The following TENM3 variants were observed in gnomAD, a reference collection of about 807,000 sequenced individuals.
TENM3 encodes teneurin-3.
TENM3 carries 63 observed loss-of-function variants against 255.1 expected under a neutral mutation model. That is an observed-to-expected ratio of 0.25 (90% confidence interval 0.20 to 0.30). TENM3 has a LOEUF of 0.30. Among genes scored for constraint, TENM3 ranks in the 10% least tolerant of loss-of-function variants. The probability of loss-of-function intolerance (pLI) is 1.00; values close to 1 mark genes in which losing one functional copy is unlikely to be tolerated. For missense variants in TENM3, 2,929 were observed against 3,461.1 expected (o/e 0.85, Z 3.86); for synonymous variants, 1,306 against 1,322.3 (o/e 0.99, Z 0.27).
chr4:182,355,325 C>G (rs1448391672), intron 3 of TENM3, among the ~76,000 whole-genome samples: 2 of 152,164 alleles, frequency 1.3e-5, no homozygotes, highest in East Asian at 1.9e-4. Flanking sequence ...GCAAAGTCTT[C>G]ATGGTGATGC....
chr4:181,554,008 C>T, the TENM3 span, among the ~76,000 whole-genome samples: 1 of 152,146 alleles, frequency 6.6e-6, no homozygotes, highest in Non-Finnish European at 1.5e-5. Context: ...GACTCTGCTC[C>T]CTTTTTTCCC....
the TENM3 span, among the ~76,000 whole-genome samples, chr4:182,017,415 C>T: frequency 2.0e-5 from 3 of 152,192 alleles, no homozygotes; most frequent in South Asian, 2.1e-4. Context: ...TTGAGTTTTA[C>T]GTAGTCATTA....
the TENM3 span, among the ~76,000 whole-genome samples, chr4:181,590,997 G>A: frequency 6.6e-6 from 1 of 151,964 alleles, no homozygotes; most frequent in Non-Finnish European, 1.5e-5. Context: ...ATTATTCTTT[G>A]TTTACATCAA....
At chr4:181,979,869 G>GTTTT in the TENM3 span, among the ~76,000 whole-genome samples, 5 of 152,132 alleles carry the variant, frequency 3.3e-5, no homozygotes, top group Admixed American at 3.3e-4. Context: ...TTGTTTGTTT[G>GTTTT]TTCGTTTTAG....
chr4:181,849,949 T>TCTCTCTCTCACACACACACACA, the TENM3 span, among the ~76,000 whole-genome samples: 545 of 65,926 alleles, frequency 8.3e-3, 15 homozygotes, highest in Non-Finnish European at 0.013. Flanking sequence ...TCTCTCTCTC[T>TCTCTCTCTCACACACACACACA]CACACACACA....
chr4:182,046,717 G>A, the TENM3 span, among the ~76,000 whole-genome samples: 8 of 152,030 alleles, frequency 5.3e-5, no homozygotes, highest in Non-Finnish European at 1.2e-4. Flanking sequence ...GTGATAAAAT[G>A]AGGCCCCATG....
At chr4:182,752,095 G>A (rs1579345347) in intron 20 of TENM3, 63 bp downstream of exon 20, 21 of 938,656 alleles carry the variant, frequency 2.2e-5, no homozygotes, top group Non-Finnish European at 3.2e-5. Context: ...AAAAGGGGTT[G>A]AAAATCCATT....
At chr4:181,508,588 C>G in the TENM3 span, among the ~76,000 whole-genome samples, 2 of 152,166 alleles carry the variant, frequency 1.3e-5, no homozygotes, top group Non-Finnish European at 2.9e-5. Flanking sequence ...AGCTTTAATA[C>G]GTACATACAC....
the TENM3 span, among the ~76,000 whole-genome samples, chr4:181,602,104 C>G: frequency 6.6e-6 from 1 of 152,044 alleles, no homozygotes; most frequent in Non-Finnish European, 1.5e-5. Context: ...AATTTAACCC[C>G]TATAATAACC....
chr4:181,523,882 CAAGAGCTCAATCATCTCTG>C, the TENM3 span, among the ~76,000 whole-genome samples: 10 of 152,310 alleles, frequency 6.6e-5, no homozygotes, highest in South Asian at 1.9e-3. Flanking sequence ...CAGTAGCATA[CAAGAGCTCAATCATCTCTG>C]AAGAGCTTTC....
At chr4:181,888,528 A>G in the TENM3 span, among the ~76,000 whole-genome samples, 8 of 81,164 alleles carry the variant, frequency 9.9e-5, 1 homozygote, top group African/African-American at 4.4e-4. Context: ...ATATATATAC[A>G]TATATGTGTA....
the TENM3 span, among the ~76,000 whole-genome samples, chr4:182,100,941 G>A: frequency 7.1e-6 from 1 of 141,364 alleles, no homozygotes; most frequent in African/African-American, 2.6e-5. Context: ...CTACTGGGGA[G>A]GATGAGGCAG....
chr4:182,410,054 T>C (rs1221603977), intron 3 of TENM3, among the ~76,000 whole-genome samples: 1 of 152,198 alleles, frequency 6.6e-6, no homozygotes, highest in Non-Finnish European at 1.5e-5. Flanking sequence ...CTTGAACTCC[T>C]GGACTCAAGC....
intron 12 of TENM3, among the ~76,000 whole-genome samples, chr4:182,705,160 A>G (rs748245086): frequency 6.6e-6 from 1 of 152,196 alleles, no homozygotes; most frequent in Non-Finnish European, 1.5e-5. Context: ...AGTGGATTTA[A>G]TATGTACGTA....
chr4:182,714,258 G>A (rs763543546), intron 13 of TENM3, 25 bp downstream of exon 13: 9 of 1,530,146 alleles, frequency 5.9e-6, no homozygotes, highest in East Asian at 2.6e-5. Context: ...GCATGAACAC[G>A]AGTCTGTGCC....
At chr4:182,053,405 C>T in the TENM3 span, among the ~76,000 whole-genome samples, 93 of 152,312 alleles carry the variant, frequency 6.1e-4, no homozygotes, top group African/African-American at 2.1e-3. Flanking sequence ...ATTAAAATGG[C>T]TTGCCCAGTG....
the TENM3 span, among the ~76,000 whole-genome samples, chr4:182,112,021 G>A: frequency 6.6e-6 from 1 of 152,154 alleles, no homozygotes; most frequent in East Asian, 1.9e-4. Context: ...TGGAAAGGGT[G>A]GCTCACACTT....
At chr4:182,376,116 C>G (rs902736760) in intron 3 of TENM3, among the ~76,000 whole-genome samples, 1 of 152,086 alleles carries the variant, frequency 6.6e-6, no homozygotes, top group African/African-American at 2.4e-5. Flanking sequence ...GTCATATGTT[C>G]TTATACACAT....
the TENM3 span, among the ~76,000 whole-genome samples, chr4:181,949,442 CTCTT>C: frequency 1.3e-5 from 2 of 152,180 alleles, no homozygotes; most frequent in African/African-American, 4.8e-5. Context: ...CTTGTCTTCT[CTCTT>C]TGTCACATAG....
Sources: allele counts gnomAD v4.1 joint callset (sites outside exome capture counted in the v4.1 genomes callset), GRCh38; gene constraint gnomAD v4.1.1; transcripts MANE v1.5; gene names NCBI Gene and HGNC (gene_info 2026-07-23, HGNC 2026-07-21).